The following SEC23IP variants were observed in gnomAD, a reference collection of about 807,000 sequenced individuals.
The protein encoded by SEC23IP is SEC23 interacting protein, also known as SEC23-interacting protein.
In SEC23IP, 70 loss-of-function variants were observed where a neutral mutation model predicts 113.4. The ratio of observed to expected loss-of-function variants is 0.62; its 90% confidence interval spans 0.51 to 0.75. The LOEUF (loss-of-function observed/expected upper bound fraction) is 0.75. SEC23IP is among the 30% of genes least tolerant of loss of function. SEC23IP has a pLI of 0.00. For synonymous variants in SEC23IP, 398 were observed against 421.0 expected, an observed-to-expected ratio of 0.95 and a Z score of 0.67; for missense variants, 1,160 against 1,204.9, an observed-to-expected ratio of 0.96 and a Z score of 0.55.
rs985292891 is a variant in SEC23IP at position 119,892,756 on chromosome 10, A to G, written c.-27A>G. Reference sequence around the variant, plus strand: ...GTGGTGTGGTACCGGGTACCCGGAGACGTGTATCGGACGGTGGGCCGCAGC... The same window carrying G: ...GTGGTGTGGTACCGGGTACCCGGAGGCGTGTATCGGACGGTGGGCCGCAGC... On this transcript the variant is annotated 5_prime_UTR_variant, in exon 1 of 19. Transcript: ENST00000369075. 2 of 1,587,408 alleles carry G rather than the reference A, an allele frequency of 1.3e-6. No individual in the cohort carries two copies. The highest frequency in any genetic ancestry group is 1.3e-5 in the African/African-American group (1 of 74,622).
intron 1 of SEC23IP, among the ~76,000 whole-genome samples, chr10:119,896,501 T>A (rs1854288750): frequency 6.6e-6 from 1 of 152,192 alleles, no homozygotes; most frequent in African/African-American, 2.4e-5. Flanking sequence ...TGACTGAATC[T>A]GCCAAAAACA....
intron 12 of SEC23IP, 54 bp downstream of exon 12, chr10:119,921,038 G>A (rs897494989): frequency 6.2e-6 from 8 of 1,296,710 alleles, no homozygotes; most frequent in Admixed American, 3.5e-5. Flanking sequence ...TGACCAGCTC[G>A]TTTATATTAT....
chr10:119,917,933 T>C lies in SEC23IP; in HGVS notation c.1642T>C (p.Cys548Arg), dbSNP rs775834491. Residue 548 changes from cysteine to arginine, a missense_variant, in exon 9 of 19, where the codon TGT (cysteine) becomes CGT (arginine). By Grantham distance (180) the Cys-to-Arg change is radical. Transcript: ENST00000369075. ...TTTATTTTATAACAGCCCCACCTAC[T>C]GTCAGACAATTGTGGAAAAAGTAGG... The part of the protein sequence containing the change: ...DILFYNSPTY[C>R]QTIVEKVGME... The C allele has an allele frequency of 1.9e-6, 3 of 1,614,104 alleles. No individual in the cohort carries two copies. The highest frequency in any genetic ancestry group is 4.5e-5 in the East Asian group (2 of 44,870).
At position 119,918,034 on chromosome 10, in the gene SEC23IP, T is replaced by C. The variant is rs756924804; in HGVS notation, c.1743T>C (p.Gly581=). The change falls in exon 9 of 19, where the codon GGT becomes GGC. Residue 581 remains glycine, a synonymous_variant. Transcript: ENST00000369075. The stretch of plus-strand genomic sequence containing the variant: ...TCAAAGGAGGTGTCTCTGTTGCTGG[T>C]CACAGTTTAGGTAAAACTGTCAAAT... ...PDFKGGVSVA[G]HSLGSLILFD... 5.2e-5 allele frequency: 84 copies of C among 1,613,296 alleles called. 1 individual carries two copies. In the South Asian group the frequency reaches 8.0e-4, roughly 15 times the overall value.
At position 119,942,627 on chromosome 10, in the gene SEC23IP, G is replaced by A. The variant is rs1855996529; in HGVS notation, c.*2062G>A. 1 of 152,124 alleles carries A rather than the reference G, an allele frequency of 6.6e-6. No individual in the cohort carries two copies. Among genetic ancestry groups the A allele is most frequent in the Non-Finnish European group, 1.5e-5 (1 of 68,032 alleles). 9.4% of individuals were successfully genotyped at this position (152,124 alleles called of 1,614,324 possible). Reference sequence around the variant, plus strand: ...TCCCCAGATAAAGAAAGTCATGTCTGTAGTTATTCCAAAAGTGTTTCATGT... The same window carrying A: ...TCCCCAGATAAAGAAAGTCATGTCTATAGTTATTCCAAAAGTGTTTCATGT... On this transcript the variant is annotated 3_prime_UTR_variant, in exon 19 of 19. Transcript: ENST00000369075.
At chr10:119,929,383 G>A (rs536969502) in intron 13 of SEC23IP, among the ~76,000 whole-genome samples, 47 of 152,138 alleles carry the variant, frequency 3.1e-4, no homozygotes, top group African/African-American at 1.1e-3. Context: ...ACAGGCGCAT[G>A]CCACCATGCC....
intron 12 of SEC23IP, among the ~76,000 whole-genome samples, chr10:119,924,310 A>T (rs185526170): frequency 1.5e-3 from 232 of 152,306 alleles, no homozygotes; most frequent in Middle Eastern, 6.8e-3. Flanking sequence ...TCACAGCCTA[A>T]CAAGTCCCCC....
intron 13 of SEC23IP, among the ~76,000 whole-genome samples, chr10:119,926,489 T>A (rs553439884): frequency 6.6e-6 from 1 of 152,342 alleles, no homozygotes; most frequent in African/African-American, 2.4e-5. Flanking sequence ...AGCATCAGTC[T>A]CTTATAGCCA....
chr10:119,925,916 T>C (rs1855404083), intron 12 of SEC23IP, 120 bp from the exon 13 acceptor site: 1 of 787,634 alleles, frequency 1.3e-6, no homozygotes, highest in African/African-American at 1.7e-5. Flanking sequence ...ATCACAATGT[T>C]GTTACTATTC....
intron 15 of SEC23IP, among the ~76,000 whole-genome samples, chr10:119,931,631 C>A (rs1855603311): frequency 6.6e-6 from 1 of 150,924 alleles, no homozygotes; most frequent in South Asian, 2.1e-4. Context: ...TGGCTCACTG[C>A]AAGCTCTGCC....
intron 1 of SEC23IP, among the ~76,000 whole-genome samples, chr10:119,896,356 C>T (rs984101532): frequency 3.3e-5 from 5 of 152,148 alleles, no homozygotes; most frequent in African/African-American, 7.2e-5. Flanking sequence ...GAGTCTCAGA[C>T]TTGAGGTTTC....
chr10:119,933,083 G>T lies in SEC23IP; in HGVS notation c.2837G>T (p.Arg946Leu). 1 of 1,613,786 alleles carries T rather than the reference G, an allele frequency of 6.2e-7. No individual in the cohort carries two copies. The highest frequency in any genetic ancestry group is 8.5e-7 in the Non-Finnish European group (1 of 1,179,672). ...AAGGTTGGAATGTTAAATGGAGGCC[G>T]CCGAATTGACTACGTTCTCCAAGAA... ...LGKVGMLNGGRRIDYVLQEKP... is the reference protein window; with the variant it reads ...LGKVGMLNGGLRIDYVLQEKP... Residue 946 changes from arginine to leucine, a missense_variant, in exon 17 of 19, where the codon CGC becomes CTC. Transcript: ENST00000369075.
rs1564930697 is a variant in SEC23IP at position 119,941,125 on chromosome 10, G to A, written c.*560G>A. Reference sequence around the variant, plus strand: ...ATATTTGTTAAGAGGAAATAATCAAGATCACTCATATCCCAACTGAATCTG... The same window carrying A: ...ATATTTGTTAAGAGGAAATAATCAAAATCACTCATATCCCAACTGAATCTG... On this transcript the variant is annotated 3_prime_UTR_variant, in exon 19 of 19. Transcript: ENST00000369075. 1.3e-5 allele frequency: 2 copies of A among 152,182 alleles called. No individual in the cohort carries two copies. Among genetic ancestry groups the A allele is most frequent in the Admixed American group, 1.3e-4 (2 of 15,274 alleles). 9.4% of individuals were successfully genotyped at this position (152,182 alleles called of 1,614,324 possible).
rs1856033975 is a variant in SEC23IP, at chr10:119,944,637, A to G, written c.*4072A>G. The G allele has an allele frequency of 1.3e-5, 2 of 152,326 alleles. No individual in the cohort carries two copies. The highest frequency in any genetic ancestry group is 2.4e-5 in the African/African-American group (1 of 41,566). 9.4% of individuals were successfully genotyped at this position (152,326 alleles called of 1,614,324 possible). A position where few individuals can be genotyped will look rare whatever the true frequency, so the allele number is the denominator to read the frequency against. On this transcript the variant is annotated 3_prime_UTR_variant, in exon 19 of 19. Coordinates refer to ENST00000369075, the MANE Select transcript of SEC23IP (RefSeq NM_007190.4). Reference sequence around the variant, plus strand: ...TGTGAATGTGTTGAGTGTGATTTTCATTAAACAATTTTTAAAGAAAGCATT... The same window carrying G: ...TGTGAATGTGTTGAGTGTGATTTTCGTTAAACAATTTTTAAAGAAAGCATT...
chr10:119,924,180 C>T (rs181003327), intron 12 of SEC23IP, among the ~76,000 whole-genome samples: 13 of 152,268 alleles, frequency 8.5e-5, no homozygotes, highest in Admixed American at 5.2e-4. Flanking sequence ...TTTCAATTAA[C>T]CAGTTACTTA....
Position 119,904,129 on chromosome 10 carries a change from G to A in SEC23IP, c.953G>A (p.Arg318His). ...ESVVLGTDGGRYDVYLYDRIR... is the reference protein window; with the variant it reads ...ESVVLGTDGGHYDVYLYDRIR... ...GTGGTTCTTGGCACGGATGGAGGGC[G>A]CTACGATGTTTACCTCTATGACCGA... Residue 318 changes from arginine to histidine, a missense_variant, in exon 4 of 19, where the codon CGC (arginine) becomes CAC (histidine). Physicochemically the swap from Arg to His is conservative, Grantham distance 29. Transcript: ENST00000369075. 17 of 1,614,182 alleles carry A rather than the reference G, an allele frequency of 1.1e-5. No homozygotes were observed. Among genetic ancestry groups the A allele is most frequent in the African/African-American group, 2.7e-5 (2 of 75,052 alleles).
chr10:119,933,419 A>G (rs1855672650), intron 17 of SEC23IP, among the ~76,000 whole-genome samples: 1 of 152,190 alleles, frequency 6.6e-6, no homozygotes, highest in African/African-American at 2.4e-5. Flanking sequence ...TGGGAGTGGT[A>G]GGGACTTTGA....
chr10:119,909,954 T>A (rs1484060111), intron 5 of SEC23IP, among the ~76,000 whole-genome samples: 1 of 152,214 alleles, frequency 6.6e-6, no homozygotes, highest in Non-Finnish European at 1.5e-5. Context: ...TGGAGTTTAG[T>A]ATGCAATGTA....
Position 119,902,800 on chromosome 10 carries a change from T to A in SEC23IP, c.698T>A (p.Val233Asp). Residue 233 changes from valine to aspartate, a missense_variant and splice_region_variant, in exon 3 of 19, where the codon GTT becomes GAT. Physicochemically the swap from Val to Asp is radical, Grantham distance 152 (BLOSUM62 -3). Transcript: ENST00000369075. Reference sequence around the variant, plus strand: ...TCTTAACTTTGCCGTCCCCTCCAGGTTCCTTCTTCAGTGCAGTCACCGGCA... The same window carrying A: ...TCTTAACTTTGCCGTCCCCTCCAGGATCCTTCTTCAGTGCAGTCACCGGCA... Reference protein sequence around the residue: ...YQMPPGSLPPVPSSVQSPAQQ... With the variant: ...YQMPPGSLPPDPSSVQSPAQQ... 2 of 1,613,592 alleles carry A rather than the reference T, an allele frequency of 1.2e-6. No individual in the cohort carries two copies. Among genetic ancestry groups the A allele is most frequent in the Non-Finnish European group, 1.7e-6 (2 of 1,179,824 alleles).
Sources: allele counts gnomAD v4.1 joint callset (sites outside exome capture counted in the v4.1 genomes callset), GRCh38; gene constraint gnomAD v4.1.1; transcripts MANE v1.5; gene names NCBI Gene and HGNC (gene_info 2026-07-23, HGNC 2026-07-21).